Variants in LARGE1 observed in about 807,000 individuals in gnomAD.
LARGE1 encodes the protein LARGE xylosyl- and glucuronyltransferase 1.
Under a neutral mutation model 87.6 loss-of-function variants are expected in LARGE1, and 43 were observed. That is an observed-to-expected ratio of 0.49 (90% CI 0.38 to 0.63). LARGE1 has a LOEUF of 0.63. Ranked by LOEUF, LARGE1 falls within the 30% of genes least tolerant of loss-of-function variation. The pLI is 0.00. For missense variants in LARGE1, 802 were observed against 1,000.2 expected, an observed-to-expected ratio of 0.80 and a Z score of 2.67; for synonymous variants, 434 against 394.6, an observed-to-expected ratio of 1.10 and a Z score of -1.18.
chr22:33,918,730 G>A (rs911075863), intron 1 of LARGE1, among the ~76,000 whole-genome samples: 4 of 152,148 alleles, frequency 2.6e-5, no homozygotes, highest in Non-Finnish European at 5.9e-5. Context: ...TCCTGAGGTG[G>A]GAAGACAGGA....
intron 11 of LARGE1, among the ~76,000 whole-genome samples, chr22:33,183,410 C>T (rs1923277621): frequency 6.6e-6 from 1 of 152,054 alleles, no homozygotes; most frequent in South Asian, 2.1e-4. Context: ...TTATGGAAAG[C>T]AACATGGAAA....
intron 6 of LARGE1, among the ~76,000 whole-genome samples, chr22:33,475,963 G>T (rs2069060472): frequency 6.6e-6 from 1 of 152,138 alleles, no homozygotes; most frequent in Admixed American, 6.5e-5. Flanking sequence ...AAGTCAAGCT[G>T]GGAACTGCTG....
chr22:33,349,618 G>T (rs1044983924), intron 9 of LARGE1, among the ~76,000 whole-genome samples: 1 of 152,188 alleles, frequency 6.6e-6, no homozygotes, highest in Non-Finnish European at 1.5e-5. Flanking sequence ...TGCTCCCCAT[G>T]AGCTGCTGAA....
intron 1 of LARGE1, among the ~76,000 whole-genome samples, chr22:33,877,174 A>G (rs761561823): frequency 1.3e-5 from 2 of 152,168 alleles, no homozygotes; most frequent in Non-Finnish European, 2.9e-5. Flanking sequence ...CTTTTTAAAA[A>G]AAGCTGATTT....
chr22:33,261,905 A>G lies in LARGE1; in HGVS notation c.1730+42324T>C, dbSNP rs1203546372. Reference sequence around the variant, plus strand: ...CTCTTAAGATCAATGCCTCAGAGGAATCTCTGTTGCAGGAATGCTCATAAG... The same window carrying G: ...CTCTTAAGATCAATGCCTCAGAGGAGTCTCTGTTGCAGGAATGCTCATAAG... On this transcript the variant is annotated intron_variant, in intron 11 of 11. Coordinates refer to the LARGE1 transcript ENST00000608642. Among the ~76,000 whole-genome samples, 2 of 152,358 alleles carry G rather than the reference A, an allele frequency of 1.3e-5. 1 individual carries two copies. Among genetic ancestry groups the G allele is most frequent in the East Asian group, 3.9e-4 (2 of 5,192 alleles).
intron 2 of LARGE1, among the ~76,000 whole-genome samples, chr22:33,654,881 A>G (rs984578193): frequency 6.6e-6 from 1 of 152,212 alleles, no homozygotes; most frequent in Non-Finnish European, 1.5e-5. Flanking sequence ...CATCCTGGAT[A>G]AAAATTTGCC....
intron 6 of LARGE1, among the ~76,000 whole-genome samples, chr22:33,443,431 A>G (rs1190251690): frequency 2.0e-5 from 3 of 152,194 alleles, no homozygotes; most frequent in Non-Finnish European, 4.4e-5. Flanking sequence ...TCCTGTCTGC[A>G]CTGCCACCTG....
chr22:33,437,862 G>A (rs763733082), intron 6 of LARGE1, among the ~76,000 whole-genome samples: 6 of 152,154 alleles, frequency 3.9e-5, no homozygotes, highest in African/African-American at 1.4e-4. Flanking sequence ...GTGACAGGGC[G>A]ATATTAGCAA....
the LARGE1 span, among the ~76,000 whole-genome samples, chr22:33,077,798 G>A: frequency 1.1e-4 from 17 of 152,028 alleles, no homozygotes; most frequent in African/African-American, 4.1e-4. Flanking sequence ...AATTCTGACG[G>A]TGCAGTTTAA....
At chr22:33,268,434 T>TA (rs2145771737), downstream of LARGE1, among the ~76,000 whole-genome samples, 2 of 151,044 alleles carry the variant, frequency 1.3e-5, no homozygotes, top group African/African-American at 4.9e-5. Context: ...AAAAACTTTT[T>TA]TTTTTTTTTT....
intron 1 of LARGE1, among the ~76,000 whole-genome samples, chr22:33,872,711 G>A (rs2064333453): frequency 6.6e-6 from 1 of 152,172 alleles, no homozygotes; most frequent in Admixed American, 6.5e-5. Flanking sequence ...ACGGAAAAGA[G>A]CCATGGCCAG....
intron 6 of LARGE1, among the ~76,000 whole-genome samples, chr22:33,535,521 T>C (rs1004441627): frequency 2.0e-4 from 29 of 148,068 alleles, no homozygotes; most frequent in African/African-American, 7.3e-4. Context: ...CCAACCTGGG[T>C]GATGAGAGTA....
At chr22:33,166,959 C>T (rs115048431) in intron 11 of LARGE1, 88 of 411,770 alleles carry the variant, frequency 2.1e-4, no homozygotes, top group African/African-American at 1.5e-3. Flanking sequence ...AATTTCAGAG[C>T]GAAACTCCCC....
At chr22:33,072,344 C>G in the LARGE1 span, among the ~76,000 whole-genome samples, 2 of 152,174 alleles carry the variant, frequency 1.3e-5, no homozygotes, top group African/African-American at 4.8e-5. Context: ...TTAAGAGAGG[C>G]TGGAGCACTT....
chr22:33,423,398 T>C (rs975534027), intron 7 of LARGE1, among the ~76,000 whole-genome samples: 1 of 152,054 alleles, frequency 6.6e-6, no homozygotes, highest in African/African-American at 2.4e-5. Context: ...TAATTATGGC[T>C]GGGCACGGTG....
chr22:33,271,773 A>G (rs1196463216), downstream of LARGE1, among the ~76,000 whole-genome samples: 1 of 152,198 alleles, frequency 6.6e-6, no homozygotes, highest in Non-Finnish European at 1.5e-5. Flanking sequence ...TGCGGACCTC[A>G]GCCTCCATTG....
rs564958485 is a variant in LARGE1 at position 33,290,896 on chromosome 22, G to A, written c.1731-7548C>T. On this transcript the variant is annotated intron_variant, in intron 12 of 14. Coordinates refer to ENST00000397394, the MANE Select transcript of LARGE1 (RefSeq NM_133642.5). ...TCTACTAAAAATACAAAAATTAGCT[G>A]GGTGTGGTGGTGCGTGTCTATAATC... 1.0e-3 allele frequency among the ~76,000 whole-genome samples: 157 copies of A among 152,278 alleles called. 1 individual carries two copies. The highest frequency in any genetic ancestry group is 6.8e-3 in the South Asian group (33 of 4,824).
Position 33,604,423 on chromosome 22 carries a change from T to A in LARGE1, c.615+12A>T. 1 of 1,613,954 alleles carries A rather than the reference T, an allele frequency of 6.2e-7. No homozygotes were observed. The highest frequency in any genetic ancestry group is 8.5e-7 in the Non-Finnish European group (1 of 1,179,934). On this transcript the variant is annotated intron_variant, in intron 5 of 14. Coordinates refer to ENST00000397394, the MANE Select transcript of LARGE1 (RefSeq NM_133642.5). ...GAGGAGATCACGGAAGTGCCTCCCC[T>A]CCTGCCCATACCTTGAGCTCGTCTG...
the LARGE1 span, among the ~76,000 whole-genome samples, chr22:33,088,310 G>A: frequency 4.2e-3 from 643 of 152,216 alleles, 3 homozygotes; most frequent in African/African-American, 0.014. Flanking sequence ...ACGGCCAAAT[G>A]ACTGGGGTTG....
Sources: gnomAD v4.1 joint callset for allele counts (sites outside exome capture counted in the v4.1 genomes callset) on GRCh38, gnomAD v4.1.1 for gene constraint, MANE v1.5 for transcripts, NCBI Gene and HGNC (gene_info 2026-07-23, HGNC 2026-07-21) for gene names.